Variants in MAP3K19 observed in about 807,000 individuals in gnomAD.
The protein encoded by MAP3K19 is mitogen-activated protein kinase kinase kinase 19, also known as SPS1/STE20-related protein kinase YSK4.
Under a neutral mutation model 114.4 loss-of-function variants are expected in MAP3K19, and 91 were observed. That is an observed-to-expected ratio of 0.80 (90% confidence interval 0.67 to 0.95). The LOEUF (loss-of-function observed/expected upper bound fraction) is 0.95. Among genes scored for constraint, MAP3K19 ranks in the 40% least tolerant of loss-of-function variants. MAP3K19 has a pLI of 0.00. For synonymous variants in MAP3K19, 518 were observed against 530.5 expected, an observed-to-expected ratio of 0.98 and a Z score of 0.32; for missense variants, 1,471 against 1,573.2, an observed-to-expected ratio of 0.94 and a Z score of 1.10.
Position 134,964,899 on chromosome 2 carries a change from G to A in MAP3K19, c.3938C>T (p.Pro1313Leu). 6.2e-7 allele frequency: 1 copy of A among 1,612,894 alleles called. No individual in the cohort carries two copies. The highest frequency in any genetic ancestry group is 8.5e-7 in the Non-Finnish European group (1 of 1,179,308). ...MCLTRDQHER[P>L]SALQLLKHSF... ...GTGCTTCAGGAGCTGGAGAGCAGAA[G>A]GTCGCTCATGCTGGTCCCTAAGAAG... The change falls in exon 13 of 13, where the codon CCT (proline) becomes CTT (leucine). Residue 1313 changes from proline (P) to leucine (L), a missense_variant. Transcript: ENST00000392915.
chr2:134,979,360 A>G (rs771419432), intron 12 of MAP3K19, among the ~76,000 whole-genome samples: 2 of 152,014 alleles, frequency 1.3e-5, no homozygotes, highest in African/African-American at 4.8e-5. Flanking sequence ...AGTGGTGTGA[A>G]TTGTATATTG....
intron 3 of MAP3K19, among the ~76,000 whole-genome samples, chr2:135,028,465 G>A (rs1574050043): frequency 6.6e-6 from 1 of 151,760 alleles, no homozygotes; most frequent in South Asian, 2.1e-4. Context: ...GCTGAGGTGG[G>A]AGGATCACCT....
chr2:134,995,597 T>A (rs747511406), intron 8 of MAP3K19, among the ~76,000 whole-genome samples: 3 of 152,172 alleles, frequency 2.0e-5, no homozygotes, highest in South Asian at 2.1e-4. Flanking sequence ...CAGGATGGGA[T>A]GAATTAGTAA....
At chr2:134,979,648 T>TTG (rs1684487800) in intron 12 of MAP3K19, among the ~76,000 whole-genome samples, 1 of 149,942 alleles carries the variant, frequency 6.7e-6, no homozygotes, top group South Asian at 2.1e-4. Context: ...GCGGTTTTTT[T>TTG]TTTTTTTTTT....
Position 134,987,241 on chromosome 2 carries a change from G to A in MAP3K19, c.1631C>T (p.Thr544Ile). ...HRSKLDSKTKTSKKTPQNFVI... is the reference protein window; with the variant it reads ...HRSKLDSKTKISKKTPQNFVI... ...AAAATTCTGAGGTGTCTTCTTACTT[G>A]TCTTGGTCTTTGAATCCAACTTACT... is the stretch of plus-strand genomic sequence containing the variant. The change falls in exon 10 of 13, where the codon ACA becomes ATA. Residue 544 changes from threonine (T) to isoleucine (I), a missense_variant. By Grantham distance (89) the Thr-to-Ile change is moderately conservative. Coordinates refer to ENST00000392915, the MANE Select transcript of MAP3K19 (RefSeq NM_025052.5). The A allele has an allele frequency of 6.2e-7, 1 of 1,614,134 alleles. No homozygotes were observed. The highest frequency in any genetic ancestry group is 1.3e-5 in the African/African-American group (1 of 75,018).
intron 12 of MAP3K19, among the ~76,000 whole-genome samples, chr2:134,976,840 T>C (rs1357780159): frequency 3.3e-5 from 5 of 150,004 alleles, no homozygotes; most frequent in Admixed American, 1.3e-4. Context: ...AGGTCAGGAG[T>C]TCGAGACCAG....
In MAP3K19 at chr2:134,968,062, C is replaced by T. The variant is rs568130394; in HGVS notation, c.3921-3146G>A. Among the ~76,000 whole-genome samples the T allele has an allele frequency of 1.1e-3, 171 of 152,002 alleles. No homozygotes were observed. In the East Asian group the frequency reaches 0.013, roughly 11 times the overall value. On this transcript the variant is annotated intron_variant, in intron 12 of 12. Coordinates refer to ENST00000392915, the MANE Select transcript of MAP3K19 (RefSeq NM_025052.5). ...TGAGATTAGGGAATGGTGATGACTC[C>T]CAACGAGCATGCTGCCTTCAAGCAT...
intron 8 of MAP3K19, among the ~76,000 whole-genome samples, chr2:134,992,371 A>G (rs554229777): frequency 2.0e-4 from 30 of 152,330 alleles, no homozygotes; most frequent in African/African-American, 7.2e-4. Flanking sequence ...ACTAGGTAGT[A>G]TAAAACTTAC....
chr2:135,011,320 G>A (rs191301185), intron 5 of MAP3K19, among the ~76,000 whole-genome samples: 117 of 150,750 alleles, frequency 7.8e-4, no homozygotes, highest in Admixed American at 6.2e-3. Context: ...GGTGGATCAC[G>A]AGGTCAGGAG....
chr2:134,986,450 A>G lies in MAP3K19; in HGVS notation c.2422T>C (p.Ser808Pro), dbSNP rs754379674. 4 of 1,613,994 alleles carry G rather than the reference A, an allele frequency of 2.5e-6. No individual in the cohort carries two copies. Among genetic ancestry groups the G allele is most frequent in the African/African-American group, 2.7e-5 (2 of 74,946 alleles). Reference sequence around the variant, plus strand: ...TCCATAGAAACTTCTTCAACAATGGATAAATCTGAGACAGGAGGGAATTCA... The same window carrying G: ...TCCATAGAAACTTCTTCAACAATGGGTAAATCTGAGACAGGAGGGAATTCA... ...QNEFPPVSDL[S>P]IVEEVSMEES... Residue 808 changes from serine (S) to proline (P), a missense_variant, in exon 10 of 13, where the codon TCC becomes CCC. Coordinates refer to ENST00000392915, the MANE Select transcript of MAP3K19 (RefSeq NM_025052.5).
chr2:135,010,329 A>G (rs1046945142), intron 5 of MAP3K19, among the ~76,000 whole-genome samples: 1 of 152,196 alleles, frequency 6.6e-6, no homozygotes, highest in African/African-American at 2.4e-5. Context: ...GAAGACTCAA[A>G]CAGAAACAGC....
At position 134,964,891 on chromosome 2, in the gene MAP3K19, G is replaced by T; in HGVS notation, c.3946C>A (p.Leu1316Ile). The T allele has an allele frequency of 6.2e-7, 1 of 1,613,122 alleles. No individual in the cohort carries two copies. The highest frequency in any genetic ancestry group is 1.1e-5 in the South Asian group (1 of 90,844). The stretch of plus-strand genomic sequence containing the variant: ...AAGAAGGAGTGCTTCAGGAGCTGGA[G>T]AGCAGAAGGTCGCTCATGCTGGTCC... ...TRDQHERPSA[L>I]QLLKHSFLER... Residue 1316 changes from leucine to isoleucine, a missense_variant, in exon 13 of 13, where the codon CTC becomes ATC. By Grantham distance (5) the Leu-to-Ile change is conservative. Transcript: ENST00000392915.
chr2:134,991,309 A>G, intron 9 of MAP3K19: 1 of 511,746 alleles, frequency 2.0e-6, no homozygotes, highest in Non-Finnish European at 3.6e-6. Flanking sequence ...TCAAAAAACA[A>G]AACAAAACAA....
chr2:134,969,768 T>G (rs1243821938), intron 12 of MAP3K19, among the ~76,000 whole-genome samples: 2 of 152,220 alleles, frequency 1.3e-5, no homozygotes, highest in Non-Finnish European at 2.9e-5. Flanking sequence ...GTCTTATGTT[T>G]AGGTATTTAA....
chr2:135,022,862 G>A (rs1384120555), intron 4 of MAP3K19, among the ~76,000 whole-genome samples: 2 of 152,126 alleles, frequency 1.3e-5, no homozygotes, highest in African/African-American at 4.8e-5. Context: ...AGTTGCCCAG[G>A]ACAAAGACAC....
rs2105232852 is a variant in MAP3K19, at chr2:134,987,178, T to C, written c.1694A>G (p.His565Arg). The change falls in exon 10 of 13, where the codon CAT becomes CGT. Residue 565 changes from histidine to arginine, a missense_variant. By Grantham distance (29) the His-to-Arg change is conservative. Coordinates refer to ENST00000392915, the MANE Select transcript of MAP3K19 (RefSeq NM_025052.5). ...STEGPIKPTM[H>R]KTSIKTQIFP... Reference sequence around the variant, plus strand: ...AATTTGTGTTTTTATGCTGGTTTTATGCATGGTAGGCTTAATGGGACCTTC... The same window carrying C: ...AATTTGTGTTTTTATGCTGGTTTTACGCATGGTAGGCTTAATGGGACCTTC... The C allele has an allele frequency of 6.2e-7, 1 of 1,614,238 alleles. No homozygotes were observed. Among genetic ancestry groups the C allele is most frequent in the Non-Finnish European group, 8.5e-7 (1 of 1,180,042 alleles).
chr2:134,987,729 T>C lies in MAP3K19; in HGVS notation c.1143A>G (p.Glu381=). ...TGGTACATACTATTTCTGGATCTTG[T>C]TCATAGTTTTTGGCTACTGAACTCT... is the stretch of plus-strand genomic sequence containing the variant. ...KNESSVAKNY[E]QDPEIVCTIP... The change falls in exon 10 of 13, where the codon GAA becomes GAG. Residue 381 remains glutamate, a synonymous_variant. Transcript: ENST00000392915. The C allele has an allele frequency of 6.2e-7, 1 of 1,610,972 alleles. No homozygotes were observed. Among genetic ancestry groups the C allele is most frequent in the South Asian group, 1.1e-5 (1 of 91,072 alleles).
chr2:135,043,818 T>A (rs545546047), intron 1 of MAP3K19, among the ~76,000 whole-genome samples: 124 of 152,292 alleles, frequency 8.1e-4, no homozygotes, highest in African/African-American at 2.7e-3. Flanking sequence ...TCTGGGAGGC[T>A]CCCAATCAGT....
chr2:135,021,869 C>A (rs1223496843), intron 4 of MAP3K19, 39 bp from the exon 5 acceptor site: 1 of 1,254,486 alleles, frequency 8.0e-7, no homozygotes, highest in Non-Finnish European at 1.1e-6. Flanking sequence ...TGATAAGATT[C>A]ATCTCCAGCA....
Sources: gnomAD v4.1 joint callset for allele counts (sites outside exome capture counted in the v4.1 genomes callset) on GRCh38, gnomAD v4.1.1 for gene constraint, MANE v1.5 for transcripts, NCBI Gene and HGNC (gene_info 2026-07-23, HGNC 2026-07-21) for gene names.